Variants in PATJ observed in about 807,000 individuals in gnomAD.
PATJ encodes the protein inaD-like protein.
Under a neutral mutation model 224.9 loss-of-function variants are expected in PATJ, and 190 were observed. That is an observed-to-expected ratio of 0.84 (90% CI 0.75 to 0.95). The LOEUF is 0.95. Ranked by LOEUF, PATJ falls within the 40% of genes least tolerant of loss-of-function variation. PATJ has a pLI of 0.00. For missense variants in PATJ, 2,121 were observed against 2,270.3 expected (o/e 0.93, Z 1.34); for synonymous variants, 769 against 820.3 (o/e 0.94, Z 1.07).
chr1:62,132,629 G>A (rs1484672716), intron 41 of PATJ, among the ~76,000 whole-genome samples: 2 of 152,178 alleles, frequency 1.3e-5, no homozygotes, highest in South Asian at 4.1e-4. Context: ...TGGGCCGGGT[G>A]CAGTGGTTCA....
At chr1:61,767,822 G>T (rs1044894842) in intron 4 of PATJ, among the ~76,000 whole-genome samples, 5 of 151,612 alleles carry the variant, frequency 3.3e-5, no homozygotes, top group African/African-American at 1.2e-4. Flanking sequence ...GACTACAGGC[G>T]TGTGTCACCA....
chr1:61,867,644 G>T (rs1557783797), intron 20 of PATJ, among the ~76,000 whole-genome samples: 1 of 148,856 alleles, frequency 6.7e-6, no homozygotes, highest in Admixed American at 6.7e-5. Flanking sequence ...CCCCAAACCA[G>T]CATTGAGTAA....
chr1:61,888,835 G>T (rs181668088), intron 22 of PATJ, among the ~76,000 whole-genome samples: 29 of 152,292 alleles, frequency 1.9e-4, no homozygotes, highest in African/African-American at 7.0e-4. Context: ...CTTTCAAAAT[G>T]AGTATTTGAC....
intron 28 of PATJ, among the ~76,000 whole-genome samples, chr1:62,001,032 G>T (rs958176229): frequency 6.6e-6 from 1 of 151,726 alleles, no homozygotes; most frequent in African/African-American, 2.4e-5. Context: ...TTTTTGATGG[G>T]GTTGTTTGTT....
intron 1 of PATJ, among the ~76,000 whole-genome samples, chr1:61,747,791 C>A (rs1438148780): frequency 6.6e-6 from 1 of 152,190 alleles, no homozygotes; most frequent in Non-Finnish European, 1.5e-5. Flanking sequence ...TACAGTAAGC[C>A]ACTCTCACAC....
chr1:61,979,525 T>C (rs779600764), intron 27 of PATJ, among the ~76,000 whole-genome samples: 28 of 151,962 alleles, frequency 1.8e-4, no homozygotes, highest in South Asian at 8.3e-4. Flanking sequence ...TGGTGGCGTG[T>C]ACCTGTAATC....
intron 7 of PATJ, among the ~76,000 whole-genome samples, chr1:61,782,909 G>T (rs770104570): frequency 6.2e-4 from 94 of 152,190 alleles, no homozygotes; most frequent in Non-Finnish European, 2.1e-4. Flanking sequence ...GGGCGGTCAG[G>T]TATACCGGAA....
At chr1:62,037,406 G>A (rs1488253052) in intron 29 of PATJ, among the ~76,000 whole-genome samples, 3 of 152,002 alleles carry the variant, frequency 2.0e-5, no homozygotes, top group African/African-American at 7.2e-5. Flanking sequence ...ATTGGGATGA[G>A]GAGGAGGAGA....
At chr1:61,824,412 C>T (rs1012592817) in intron 15 of PATJ, among the ~76,000 whole-genome samples, 3 of 137,670 alleles carry the variant, frequency 2.2e-5, no homozygotes, top group Non-Finnish European at 4.6e-5. Context: ...TGAAATTTAC[C>T]GTTTTAACCT....
chr1:62,149,053 G>A (rs1176917285), intron 42 of PATJ, among the ~76,000 whole-genome samples: 2 of 151,274 alleles, frequency 1.3e-5, no homozygotes, highest in Non-Finnish European at 2.9e-5. Context: ...GCTTGAACCC[G>A]GGAGGTGGAA....
intron 17 of PATJ, among the ~76,000 whole-genome samples, chr1:61,836,154 C>A (rs527874460): frequency 1.3e-5 from 2 of 152,140 alleles, no homozygotes; most frequent in African/African-American, 4.8e-5. Flanking sequence ...CTGAGCTTTA[C>A]GCTTAAAAAC....
At position 61,788,089 on chromosome 1, in the gene PATJ, G is replaced by A. The variant is rs577570589; in HGVS notation, c.1068+117G>A. ...TGGTGTGAGTTGTGCGCTCACTAGTGAAACAGGAAAAAAAAAACTTATTGG... is the reference window on the plus strand; with the variant it reads ...TGGTGTGAGTTGTGCGCTCACTAGTAAAACAGGAAAAAAAAAACTTATTGG... On this transcript the variant is annotated intron_variant, in intron 8 of 43. Transcript: ENST00000642238. 1,211 of 591,528 alleles carry A rather than the reference G, an allele frequency of 2.0e-3. 21 individuals are homozygous for A. In the East Asian group the frequency reaches 0.03, roughly 15 times the overall value. 36.6% of individuals were successfully genotyped at this position (591,528 alleles called of 1,614,324 possible).
chr1:61,946,219 A>G lies in PATJ; in HGVS notation c.3670+18390A>G, dbSNP rs545412170. On this transcript the variant is annotated intron_variant, in intron 27 of 43. Coordinates refer to ENST00000642238, the MANE Select transcript of PATJ (RefSeq NM_001350145.3). The stretch of plus-strand genomic sequence containing the variant: ...GAAGGCAAGAAATAACTAAGATCAG[A>G]GCAGAACTGAAGGAGATAGAGACAC... 1.3e-4 allele frequency among the ~76,000 whole-genome samples: 20 copies of G among 152,350 alleles called. No homozygotes were observed. In the South Asian group the frequency reaches 3.9e-3, roughly 30 times the overall value.
chr1:62,150,050 G>C (rs1232842789), intron 42 of PATJ, among the ~76,000 whole-genome samples: 1 of 152,138 alleles, frequency 6.6e-6, no homozygotes, highest in Non-Finnish European at 1.5e-5. Context: ...TGGGCATCTA[G>C]CTTCTCATTC....
At chr1:62,114,402 A>G (rs2148892143) in intron 35 of PATJ, 156 bp downstream of exon 35, 2 of 689,424 alleles carry the variant, frequency 2.9e-6, no homozygotes, top group Non-Finnish European at 2.4e-6. Flanking sequence ...ATTTCTGAGC[A>G]AGGTCTTACC....
In PATJ at chr1:62,086,312, G is replaced by C. The variant is rs76629826; in HGVS notation, c.4377+1664G>C. Among the ~76,000 whole-genome samples the C allele has an allele frequency of 3.0e-3, 462 of 151,936 alleles. 17 individuals are homozygous for C. In the East Asian group the frequency reaches 0.079, roughly 26 times the overall value. ...AATTGATACAAAAGGAAAATTGTGTGTGTGTGTATGTAATACCTGCATCTT... is the reference window on the plus strand; with the variant it reads ...AATTGATACAAAAGGAAAATTGTGTCTGTGTGTATGTAATACCTGCATCTT... On this transcript the variant is annotated intron_variant, in intron 33 of 43. Transcript: ENST00000642238. The surrounding 1 kb of genome is among the most constrained non-coding windows in gnomAD (Gnocchi z 4.0).
intron 1 of PATJ, among the ~76,000 whole-genome samples, chr1:61,750,137 T>C (rs572860848): frequency 6.6e-5 from 10 of 152,362 alleles, no homozygotes; most frequent in African/African-American, 2.4e-4. Context: ...TTGCTTGCAC[T>C]TGGGAAGCTG....
intron 1 of PATJ, 123 bp downstream of exon 1, chr1:61,742,678 C>A (rs1644816409): frequency 6.6e-6 from 1 of 151,676 alleles, no homozygotes; most frequent in Non-Finnish European, 1.5e-5. Flanking sequence ...CCCGCGCTCT[C>A]CCCGCCCGCC....
At chr1:61,991,999 T>C (rs947696306) in intron 28 of PATJ, among the ~76,000 whole-genome samples, 5 of 152,176 alleles carry the variant, frequency 3.3e-5, no homozygotes, top group African/African-American at 9.7e-5. Context: ...AGAAACTGGG[T>C]AAATAGTATA....
Sources: gnomAD v4.1 joint callset for allele counts (sites outside exome capture counted in the v4.1 genomes callset) on GRCh38, gnomAD v4.1.1 for gene constraint, Gnocchi (gnomAD v3.1) non-coding constraint, MANE v1.5 for transcripts, NCBI Gene and HGNC (gene_info 2026-07-23, HGNC 2026-07-21) for gene names.